The following ACOX1 variants were observed in gnomAD, a reference collection of about 807,000 sequenced individuals.
The protein encoded by ACOX1 is acyl-CoA oxidase 1.
Under a neutral mutation model 75.5 loss-of-function variants are expected in ACOX1, and 41 were observed. The ratio of observed to expected loss-of-function variants is 0.54; its 90% CI spans 0.42 to 0.70. ACOX1 has a LOEUF of 0.70. Ranked by LOEUF, ACOX1 falls within the 30% of genes least tolerant of loss-of-function variation. The pLI, the probability that ACOX1 is intolerant of heterozygous loss-of-function variation, is 0.00. For synonymous variants in ACOX1, 303 were observed against 298.8 expected (o/e 1.01, Z -0.15); for missense variants, 630 against 837.5 (o/e 0.75, Z 3.06).
At chr17:75,956,415 G>A (rs2065824215) in intron 4 of ACOX1, among the ~76,000 whole-genome samples, 1 of 152,124 alleles carries the variant, frequency 6.6e-6, no homozygotes, top group Non-Finnish European at 1.5e-5. Flanking sequence ...GGTCAGCCGG[G>A]CACGGTGGCT....
At position 75,955,760 on chromosome 17, in the gene ACOX1, A is replaced by T. The variant is rs2065818693; in HGVS notation, c.658+68T>A. 8 of 1,612,740 alleles carry T rather than the reference A, an allele frequency of 5.0e-6. No homozygotes were observed. The Admixed American group carries it at 1.3e-4, about 27-fold the overall frequency. ...TTTTGCTCCGCCTCTTCAGTTGGGC[A>T]TTCTACCTTTTGCAGAAGAAAGTGC... On this transcript the variant is annotated intron_variant, in intron 5 of 13. Coordinates refer to ENST00000293217, the MANE Select transcript of ACOX1 (RefSeq NM_004035.7).
At chr17:75,977,024 GTCTC>G (rs1217266132) in intron 2 of ACOX1, among the ~76,000 whole-genome samples, 1 of 118,042 alleles carries the variant, frequency 8.5e-6, no homozygotes, top group Non-Finnish European at 1.7e-5. Context: ...TTGAGACAGA[GTCTC>G]TCTTTGTTGC....
At chr17:75,968,501 G>A (rs1305266290) in intron 2 of ACOX1, among the ~76,000 whole-genome samples, 1 of 148,750 alleles carries the variant, frequency 6.7e-6, no homozygotes. Context: ...AGCTACTCAG[G>A]GGGCTGAGGC....
chr17:75,974,513 A>G (rs1160117062), intron 2 of ACOX1, among the ~76,000 whole-genome samples: 1 of 152,236 alleles, frequency 6.6e-6, no homozygotes, highest in Non-Finnish European at 1.5e-5. Flanking sequence ...CATAGATTTT[A>G]TAGGGATCAA....
intron 6 of ACOX1, 117 bp from the exon 7 acceptor site, chr17:75,953,737 A>C: frequency 8.3e-7 from 1 of 1,209,382 alleles, no homozygotes; most frequent in Non-Finnish European, 1.2e-6. Context: ...AACTTGCATG[A>C]AATACTACAT....
intron 3 of ACOX1, among the ~76,000 whole-genome samples, chr17:75,958,547 G>A (rs1393523093): frequency 7.3e-5 from 11 of 150,968 alleles, no homozygotes; most frequent in African/African-American, 2.0e-4. Context: ...GGTGGCTCAC[G>A]CCTGTAATCC....
At chr17:75,970,672 G>A (rs2065985679) in intron 2 of ACOX1, among the ~76,000 whole-genome samples, 1 of 152,182 alleles carries the variant, frequency 6.6e-6, no homozygotes. Flanking sequence ...CAAAGTTACA[G>A]CTACTTCTGT....
At position 75,949,773 on chromosome 17, in the gene ACOX1, C is replaced by T; in HGVS notation, c.1423G>A (p.Val475Met). Residue 475 changes from valine (V) to methionine (M), a missense_variant, in exon 10 of 14, where the codon GTG becomes ATG. Val to Met is a conservative substitution (Grantham distance 21). Transcript: ENST00000293217. The part of the protein sequence containing the change: ...PQQVAVWPTM[V>M]DINSPESLTE... ...AGGCTTTCGGGGCTGTTGATATCCA[C>T]CATGGTTGGCCAGACTGCTACCTGC... The T allele has an allele frequency of 6.2e-7, 1 of 1,614,146 alleles. No individual in the cohort carries two copies. The highest frequency in any genetic ancestry group is 8.5e-7 in the Non-Finnish European group (1 of 1,180,026).
At chr17:75,951,808 C>CT (rs1029666749) in intron 7 of ACOX1, among the ~76,000 whole-genome samples, 2,592 of 77,468 alleles carry the variant, frequency 0.033, 127 homozygotes, top group African/African-American at 0.058. Flanking sequence ...TAAATTGAGG[C>CT]TTTTTTTTTT....
At chr17:75,953,347 G>C (rs1254044690) in intron 7 of ACOX1, 104 bp downstream of exon 7, 1 of 1,320,468 alleles carries the variant, frequency 7.6e-7, no homozygotes. Flanking sequence ...AGCCAATTTT[G>C]CAGTGCTAAT....
At position 75,978,824 on chromosome 17, in the gene ACOX1, C is replaced by G. The variant is rs2066085259; in HGVS notation, c.110-131G>C. 2 of 1,599,636 alleles carry G rather than the reference C, an allele frequency of 1.3e-6. No homozygotes were observed. The highest frequency in any genetic ancestry group is 4.5e-5 in the East Asian group (2 of 44,818). The stretch of plus-strand genomic sequence containing the variant: ...TGGCGATATCCCCCCACCAGGGACA[C>G]AGGCTGTTCCTCGAAGTGGGGGTCC... On this transcript the variant is annotated intron_variant, in intron 1 of 13. Transcript: ENST00000293217. The surrounding 1 kb of genome is among the most constrained non-coding windows in gnomAD (Gnocchi z 4.2).
intron 3 of ACOX1, among the ~76,000 whole-genome samples, chr17:75,958,968 G>A (rs561766820): frequency 1.3e-5 from 2 of 152,138 alleles, no homozygotes; most frequent in Admixed American, 1.3e-4. Context: ...CATTAATGTG[G>A]CAAGGAAGAG....
At chr17:75,949,146 C>T in intron 12 of ACOX1, 71 bp downstream of exon 12, 6 of 1,582,498 alleles carry the variant, frequency 3.8e-6, no homozygotes, top group African/African-American at 2.7e-5. Context: ...AGGCATGAGC[C>T]ACCGTGCCCA....
At chr17:75,958,352 C>CAAAAAA (rs1279952402) in intron 3 of ACOX1, among the ~76,000 whole-genome samples, 17 of 66,770 alleles carry the variant, frequency 2.5e-4, no homozygotes, top group East Asian at 4.0e-4. Flanking sequence ...GACTCCATCT[C>CAAAAAA]AAAAAAAAAA....
intron 2 of ACOX1, among the ~76,000 whole-genome samples, chr17:75,967,643 TACGTATATATATAC>T (rs1188934002): frequency 0.018 from 1,929 of 105,866 alleles, 65 homozygotes; most frequent in East Asian, 0.066. Context: ...TACATATATA[TACGTATATATATAC>T]ATACATATAT....
intron 13 of ACOX1, among the ~76,000 whole-genome samples, chr17:75,947,516 TCA>T: frequency 6.6e-6 from 1 of 151,994 alleles, no homozygotes; most frequent in Non-Finnish European, 1.5e-5. Flanking sequence ...CAGGTGTGCA[TCA>T]CTGAGCCTGG....
intron 2 of ACOX1, chr17:75,973,293 G>A (rs1046000513): frequency 1.9e-5 from 7 of 363,924 alleles, no homozygotes; most frequent in Admixed American, 4.1e-5. Flanking sequence ...TATTGCTGAG[G>A]CACTAACCCT....
chr17:75,968,018 C>T (rs1035631617), intron 2 of ACOX1, among the ~76,000 whole-genome samples: 3 of 150,382 alleles, frequency 2.0e-5, no homozygotes, highest in East Asian at 2.0e-4. Flanking sequence ...GGATTACAGG[C>T]GAGAGCCATT....
chr17:75,954,547 G>A (rs1372652406), intron 6 of ACOX1, among the ~76,000 whole-genome samples: 1 of 146,272 alleles, frequency 6.8e-6, no homozygotes, highest in Non-Finnish European at 1.5e-5. Context: ...GGCATCAGAA[G>A]GAAAAATGCA....
Sources: allele counts gnomAD v4.1 joint callset (sites outside exome capture counted in the v4.1 genomes callset), GRCh38; gene constraint gnomAD v4.1.1; non-coding constraint Gnocchi (gnomAD v3.1); transcripts MANE v1.5; gene names NCBI Gene and HGNC (gene_info 2026-07-23, HGNC 2026-07-21).